The following ANK2 variants were observed in gnomAD, a reference collection of about 807,000 sequenced individuals.
The protein encoded by ANK2 is ankyrin-2.
Under a neutral mutation model 360.5 loss-of-function variants are expected in ANK2, and 83 were observed. That is an observed-to-expected ratio of 0.23 (90% CI 0.19 to 0.28). The LOEUF (loss-of-function observed/expected upper bound fraction) is 0.28, where lower values mean the gene tolerates loss of function less well. Among genes scored for constraint, ANK2 ranks in the 10% least tolerant of loss-of-function variants. The pLI is 1.00. For missense variants in ANK2, 4,201 were observed against 4,795.7 expected, an observed-to-expected ratio of 0.88 and a Z score of 3.66; for synonymous variants, 1,740 against 1,759.5, an observed-to-expected ratio of 0.99 and a Z score of 0.28.
chr4:113,379,927 G>C (rs2097108501), intron 45 of ANK2, among the ~76,000 whole-genome samples: 1 of 152,184 alleles, frequency 6.6e-6, no homozygotes, highest in Non-Finnish European at 1.5e-5. Flanking sequence ...AAAATGCTGG[G>C]TAAAGCTACA....
At chr4:113,215,996 A>G in intron 4 of ANK2, among the ~76,000 whole-genome samples, 2 of 152,282 alleles carry the variant, frequency 1.3e-5, no homozygotes, top group Middle Eastern at 6.8e-3. Flanking sequence ...AAGGCTGAAA[A>G]TAAAGGATTA....
intron 2 of ANK2, among the ~76,000 whole-genome samples, chr4:113,010,040 A>G (rs2054218841): frequency 6.6e-6 from 1 of 152,120 alleles, no homozygotes. Context: ...TCACATGGCA[A>G]AAGGTGAAAA....
Position 113,264,841 on chromosome 4 carries a change from T to G in ANK2, c.1387-56T>G, listed in dbSNP as rs1187857634. 8.5e-6 allele frequency: 13 copies of G among 1,522,246 alleles called. No homozygotes were observed. In the Admixed American group the frequency reaches 2.6e-4, roughly 30 times the overall value. 94.3% of individuals were successfully genotyped at this position (1,522,246 alleles called of 1,614,324 possible). ...TCACAAAAAGGGACAACTTTATTCT[T>G]TACCATCCAGAGCGGTGGGTTAATT... On this transcript the variant is annotated intron_variant, in intron 13 of 45. Coordinates refer to ENST00000357077, the MANE Select transcript of ANK2 (RefSeq NM_001148.6).
chr4:113,354,470 T>C lies in ANK2; in HGVS notation c.5852T>C (p.Val1951Ala), dbSNP rs145358906. The change falls in exon 38 of 46, where the codon GTA becomes GCA. Residue 1951 changes from valine (V) to alanine (A), a missense_variant. Physicochemically the swap from Val to Ala is moderately conservative, Grantham distance 64 (BLOSUM62 0). This residue lies in a region of ANK2 where 2,642 missense variants were observed against 2,714.5 expected (regional missense o/e 0.97). Coordinates refer to ENST00000357077, the MANE Select transcript of ANK2 (RefSeq NM_001148.6). ...PSGRTDKHQP[V>A]STAGKTEKHL... ...GGAAGAACGGACAAGCACCAACCTGTATCAACAGCTGGGAAAACTGAGAAG... is the reference window on the plus strand; with the variant it reads ...GGAAGAACGGACAAGCACCAACCTGCATCAACAGCTGGGAAAACTGAGAAG... 5 of 1,613,960 alleles carry C rather than the reference T, an allele frequency of 3.1e-6. No homozygotes were observed. The highest frequency in any genetic ancestry group is 4.2e-6 in the Non-Finnish European group (5 of 1,179,984).
intron 2 of ANK2, among the ~76,000 whole-genome samples, chr4:112,962,197 C>T (rs868070577): frequency 7.2e-5 from 11 of 152,128 alleles, no homozygotes; most frequent in African/African-American, 2.4e-4. Flanking sequence ...ATACTTCCCT[C>T]TCTCTACCCT....
In ANK2 at chr4:113,333,140, G is replaced by A; in HGVS notation, c.3311G>A (p.Ser1104Asn). 3 of 1,614,222 alleles carry A rather than the reference G, an allele frequency of 1.9e-6. No homozygotes were observed. The highest frequency in any genetic ancestry group is 2.5e-6 in the Non-Finnish European group (3 of 1,180,034). ...GTCCTGCGCAGTGAGAATGGGGACA[G>A]CTGGAAAGAGCATTTCTGTGACTAC... ...LVVLRSENGD[S>N]WKEHFCDYTE... Residue 1104 changes from serine (S) to asparagine (N), a missense_variant, in exon 29 of 46, where the codon AGC becomes AAC. Ser to Asn is a conservative substitution (Grantham distance 46, BLOSUM62 1). Around this residue, in one of 4 missense-constraint regions of ANK2, gnomAD observed 1,268 missense variants for 1,650.8 expected, o/e 0.77. Transcript: ENST00000357077.
chr4:112,971,714 G>T (rs1224141760), intron 2 of ANK2, among the ~76,000 whole-genome samples: 1 of 152,132 alleles, frequency 6.6e-6, no homozygotes, highest in Admixed American at 6.5e-5. Flanking sequence ...TTTATCTTGA[G>T]GAGCTTCATA....
Position 113,119,836 on chromosome 4 carries a change from G to A in ANK2, c.85-54580G>A, listed in dbSNP as rs374799963. Among the ~76,000 whole-genome samples the A allele has an allele frequency of 5.9e-5, 9 of 152,178 alleles. No individual in the cohort carries two copies. In the East Asian group the frequency reaches 1.7e-3, roughly 29 times the overall value. ...GATATTGCACATTAAAATCAATTAA[G>A]CAGTCACATTTAATCTTTATTTTAA... On this transcript the variant is annotated intron_variant, in intron 1 of 45. Transcript: ENST00000357077.
intron 1 of ANK2, among the ~76,000 whole-genome samples, chr4:113,110,832 TTA>T (rs1265500229): frequency 1.3e-5 from 2 of 152,232 alleles, no homozygotes; most frequent in Non-Finnish European, 2.9e-5. Context: ...TGTTTGTGTT[TTA>T]ACAATAAGGG....
the ANK2 span, chr4:112,798,016 C>T: frequency 7.7e-4 from 127 of 165,700 alleles, no homozygotes; most frequent in African/African-American, 2.9e-3. Flanking sequence ...ACTGCTATAC[C>T]GTTCATCAAA....
rs72671511 is a variant in ANK2 at position 112,990,571 on chromosome 4, C to T, written c.21+86057C>T. Among the ~76,000 whole-genome samples, 842 of 152,072 alleles carry T rather than the reference C, an allele frequency of 5.5e-3. 6 individuals carry two copies. The highest frequency in any genetic ancestry group is 0.014 in the Middle Eastern group (4 of 292). On this transcript the variant is annotated intron_variant, in intron 2 of 30. Transcript: ENST00000503271. ...TTCAGAGACAGAGATTGAAATTCAT[C>T]ATCTCCATAGCCCTCATCTAGATCA...
the ANK2 span, among the ~76,000 whole-genome samples, chr4:112,731,732 C>CA: frequency 8.4e-3 from 1,113 of 132,206 alleles, 16 homozygotes; most frequent in East Asian, 0.012. Context: ...GACCTTGTCT[C>CA]AAAAAAAAAA....
Position 112,978,462 on chromosome 4 carries a change from T to C in ANK2, c.21+73948T>C, listed in dbSNP as rs115834533. On this transcript the variant is annotated intron_variant, in intron 2 of 30. Coordinates refer to the ANK2 transcript ENST00000503271. ...TTCCCAAACTGAAACTCTGTACACATTAAATAGTAAGGCCCAGTTTCCCGC... is the reference window on the plus strand; with the variant it reads ...TTCCCAAACTGAAACTCTGTACACACTAAATAGTAAGGCCCAGTTTCCCGC... 8.7e-3 allele frequency among the ~76,000 whole-genome samples: 1,324 copies of C among 152,304 alleles called. 23 individuals carry two copies. Among genetic ancestry groups the C allele is most frequent in the African/African-American group, 0.03 (1,266 of 41,562 alleles).
At chr4:113,137,664 C>T in intron 1 of ANK2, among the ~76,000 whole-genome samples, 1 of 151,974 alleles carries the variant, frequency 6.6e-6, no homozygotes, top group South Asian at 2.1e-4. Context: ...TTCTTCCTTC[C>T]TTTCTTATCT....
chr4:112,970,464 C>G (rs2039101611), intron 2 of ANK2, among the ~76,000 whole-genome samples: 1 of 152,124 alleles, frequency 6.6e-6, no homozygotes, highest in South Asian at 2.1e-4. Flanking sequence ...AAGCAATTCT[C>G]CTGCCTCAGC....
rs185510562 is a variant in ANK2 at position 112,934,441 on chromosome 4, T to A, written c.21+29927T>A. On this transcript the variant is annotated intron_variant, in intron 2 of 30. Coordinates refer to the ANK2 transcript ENST00000503271. ...ATCCAGAACATTACTCTCTCGACAT[T>A]CTTTTCTTCTCCCTCCGGTCTCCTA... Among the ~76,000 whole-genome samples, 3 of 152,312 alleles carry A rather than the reference T, an allele frequency of 2.0e-5. No homozygotes were observed. The East Asian group carries it at 5.8e-4, about 29-fold the overall frequency.
chr4:113,220,994 C>T (rs60500822), intron 4 of ANK2, among the ~76,000 whole-genome samples: 5,609 of 152,150 alleles, frequency 0.037, 126 homozygotes, highest in East Asian at 0.068. Context: ...GGTGAACACA[C>T]AAGAAACAAA....
intron 1 of ANK2, among the ~76,000 whole-genome samples, chr4:112,895,937 T>C (rs2081603970): frequency 6.6e-6 from 1 of 152,260 alleles, no homozygotes; most frequent in Admixed American, 6.5e-5. Context: ...CGTTGCTGCA[T>C]TGTGGCCTCT....
chr4:113,058,358 T>C (rs1211099532), intron 1 of ANK2, among the ~76,000 whole-genome samples: 1 of 152,144 alleles, frequency 6.6e-6, no homozygotes, highest in Non-Finnish European at 1.5e-5. Flanking sequence ...TTTTTATAAG[T>C]ATTTTAATGT....
Sources: allele counts gnomAD v4.1 joint callset (sites outside exome capture counted in the v4.1 genomes callset), GRCh38; gene constraint gnomAD v4.1.1; regional missense constraint gnomAD v4.1.1; transcripts MANE v1.5; gene names NCBI Gene and HGNC (gene_info 2026-07-23, HGNC 2026-07-21).